COP1: variants seen among roughly 807,000 people sequenced by gnomAD.
The protein encoded by COP1 is E3 ubiquitin-protein ligase COP1.
Under a neutral mutation model 101.3 loss-of-function variants are expected in COP1, and 24 were observed. The observed-to-expected ratio is 0.24, with a 90% CI of 0.17 to 0.33. COP1 has a LOEUF of 0.33. Among genes scored for constraint, COP1 ranks in the 10% least tolerant of loss-of-function variants. The probability of loss-of-function intolerance (pLI) is 1.00; values close to 1 mark genes in which losing one functional copy is unlikely to be tolerated. For synonymous variants in COP1, 347 were observed against 341.9 expected, an observed-to-expected ratio of 1.01 and a Z score of -0.17; for missense variants, 663 against 906.2, an observed-to-expected ratio of 0.73 and a Z score of 3.45.
At chr1:175,972,528 G>A (rs1653500080) in intron 18 of COP1, among the ~76,000 whole-genome samples, 1 of 143,050 alleles carries the variant, frequency 7.0e-6, no homozygotes, top group Non-Finnish European at 1.5e-5. Flanking sequence ...GCAGTGGTGT[G>A]ATCTCGGCTC....
chr1:176,021,711 A>G (rs551961319), intron 15 of COP1, among the ~76,000 whole-genome samples: 1 of 152,186 alleles, frequency 6.6e-6, no homozygotes, highest in South Asian at 2.1e-4. Context: ...ACCCTTTAAC[A>G]CTACTACTGC....
At chr1:176,033,068 C>A (rs1668895506) in intron 14 of COP1, among the ~76,000 whole-genome samples, 1 of 152,104 alleles carries the variant, frequency 6.6e-6, no homozygotes, top group Non-Finnish European at 1.5e-5. Context: ...CTAAAATCTA[C>A]CAAGACTTCA....
At chr1:175,988,461 G>GA in intron 16 of COP1, 49 bp from the exon 17 acceptor site, 1 of 1,518,212 alleles carries the variant, frequency 6.6e-7, no homozygotes, top group Non-Finnish European at 8.9e-7. Context: ...TTCTTGGCAC[G>GA]AAACTCATCA....
chr1:176,109,496 A>AT (rs1684914840), intron 9 of COP1, among the ~76,000 whole-genome samples: 1 of 152,164 alleles, frequency 6.6e-6, no homozygotes, highest in Non-Finnish European at 1.5e-5. Context: ...CTTAGAGTAC[A>AT]TTTTAATAGT....
At chr1:175,957,860 A>C (rs1167232352) in intron 18 of COP1, among the ~76,000 whole-genome samples, 2 of 152,218 alleles carry the variant, frequency 1.3e-5, no homozygotes, top group African/African-American at 4.8e-5. Context: ...GGAACTACAG[A>C]TACAGGCAAT....
chr1:175,996,572 A>G (rs1453213436), intron 15 of COP1, among the ~76,000 whole-genome samples: 1 of 151,918 alleles, frequency 6.6e-6, no homozygotes, highest in African/African-American at 2.4e-5. Context: ...AAATCAATGT[A>G]CAAAAATCAC....
chr1:176,044,512 T>C (rs1469829774), intron 12 of COP1, among the ~76,000 whole-genome samples: 1 of 152,186 alleles, frequency 6.6e-6, no homozygotes, highest in African/African-American at 2.4e-5. Context: ...GAACACAAGG[T>C]CTTTTGCTTT....
chr1:176,107,986 C>T (rs1182027785), intron 9 of COP1, among the ~76,000 whole-genome samples: 2 of 150,516 alleles, frequency 1.3e-5, no homozygotes, highest in Non-Finnish European at 2.9e-5. Context: ...ATTAAAGAGA[C>T]ATGACAAATA....
chr1:175,950,798 TATAA>T (rs1362492135), intron 18 of COP1, among the ~76,000 whole-genome samples: 1 of 152,180 alleles, frequency 6.6e-6, no homozygotes, highest in Admixed American at 6.5e-5. Context: ...ACAGAAGACA[TATAA>T]ACATGCACCA....
At chr1:175,973,155 T>C (rs879422780) in intron 18 of COP1, among the ~76,000 whole-genome samples, 31 of 152,214 alleles carry the variant, frequency 2.0e-4, no homozygotes, top group Non-Finnish European at 1.5e-4. Context: ...TTAACACTTT[T>C]ACAAGTCTAA....
chr1:176,163,820 TACTC>T lies in COP1; in HGVS notation c.633_636del (p.Ser212AlafsTer33). On this transcript the variant is annotated frameshift_variant, in exon 4 of 20. Coordinates refer to ENST00000367669, the MANE Select transcript of COP1 (RefSeq NM_022457.7). LOFTEE classifies it high-confidence loss of function. ...TAATAAGAGTTGAAACATACGGTGC[TACTC>T]ACTGAGTGGTCCAATTTGAACCTCT... 1 of 1,586,764 alleles carries T rather than the reference TACTC, an allele frequency of 6.3e-7. No individual in the cohort carries two copies. The highest frequency in any genetic ancestry group is 8.6e-7 in the Non-Finnish European group (1 of 1,158,640).
At chr1:176,206,521 C>T in intron 1 of COP1, 51 bp downstream of exon 1, 5 of 1,584,264 alleles carry the variant, frequency 3.2e-6, no homozygotes, top group Non-Finnish European at 4.3e-6. Flanking sequence ...CAAGCCTAAG[C>T]GGCAGAAACT....
At chr1:176,000,972 C>T (rs1373704928) in intron 15 of COP1, among the ~76,000 whole-genome samples, 1 of 151,998 alleles carries the variant, frequency 6.6e-6, no homozygotes, top group Non-Finnish European at 1.5e-5. Context: ...TCCTTTCCTC[C>T]CCAACCTTTG....
intron 1 of COP1, among the ~76,000 whole-genome samples, chr1:176,187,266 C>T (rs1698575699): frequency 6.6e-6 from 1 of 152,060 alleles, no homozygotes; most frequent in Admixed American, 6.6e-5. Context: ...GCTGGGACTA[C>T]AGGTGCATAT....
At chr1:175,947,162 G>C in intron 19 of COP1, 33 bp downstream of exon 19, 1 of 1,500,990 alleles carries the variant, frequency 6.7e-7, no homozygotes. Flanking sequence ...AAATGGGCCT[G>C]AGTTTAAAAT....
intron 9 of COP1, among the ~76,000 whole-genome samples, chr1:176,087,306 T>C (rs914038832): frequency 6.6e-6 from 1 of 152,146 alleles, no homozygotes; most frequent in African/African-American, 2.4e-5. Context: ...GAAACTATCA[T>C]CAGAGTGAAC....
intron 8 of COP1, among the ~76,000 whole-genome samples, chr1:176,126,464 T>G (rs1688007990): frequency 6.6e-6 from 1 of 152,322 alleles, no homozygotes; most frequent in East Asian, 1.9e-4. Flanking sequence ...CTTTTTTCTT[T>G]TCTTTTTTTT....
chr1:176,176,706 G>A (rs896889300), intron 2 of COP1, among the ~76,000 whole-genome samples: 1 of 151,992 alleles, frequency 6.6e-6, no homozygotes, highest in African/African-American at 2.4e-5. Context: ...CTACTGGGAG[G>A]GTGAGGCAGG....
At chr1:176,177,196 C>T (rs1697075804) in intron 2 of COP1, among the ~76,000 whole-genome samples, 2 of 151,816 alleles carry the variant, frequency 1.3e-5, no homozygotes, top group Admixed American at 1.3e-4. Flanking sequence ...TGCTAGAGAA[C>T]TGTGATTACA....
Sources: allele counts gnomAD v4.1 joint callset (sites outside exome capture counted in the v4.1 genomes callset), GRCh38; gene constraint gnomAD v4.1.1; transcripts MANE v1.5; gene names NCBI Gene and HGNC (gene_info 2026-07-23, HGNC 2026-07-21).